PHEX: variants seen among roughly 807,000 people sequenced by gnomAD.
PHEX encodes phosphate-regulating neutral endopeptidase PHEX.
In PHEX, 16 loss-of-function variants were observed where a neutral mutation model predicts 68.0. The observed-to-expected ratio is 0.24, with a 90% confidence interval of 0.16 to 0.36. The LOEUF (loss-of-function observed/expected upper bound fraction) is 0.36, where lower values mean the gene tolerates loss of function less well. Ranked by LOEUF, PHEX falls within the 10% of genes least tolerant of loss-of-function variation. The pLI, the probability that PHEX is intolerant of heterozygous loss-of-function variation, is 1.00. For missense variants in PHEX, 480 were observed against 575.5 expected, an observed-to-expected ratio of 0.83 and a Z score of 1.70; for synonymous variants, 208 against 205.1, an observed-to-expected ratio of 1.01 and a Z score of -0.12.
At chrX:22,114,312 T>A in intron 10 of PHEX, 146 bp from the exon 11 acceptor site, 1 of 546,477 alleles carries the variant, frequency 1.8e-6, no homozygotes, top group Non-Finnish European at 3.1e-6. Flanking sequence ...CTTCAACTAT[T>A]TTACCTTTGC....
At position 22,096,951 on chromosome X, in the gene PHEX, A is replaced by G. The variant is rs1435499810; in HGVS notation, c.850-4A>G. 2.5e-6 allele frequency: 3 copies of G among 1,185,323 alleles called. No individual in the cohort carries two copies. The highest frequency in any genetic ancestry group is 3.4e-6 in the Non-Finnish European group (3 of 871,300). On this transcript the variant is annotated splice_region_variant and splice_polypyrimidine_tract_variant and intron_variant, in intron 7 of 21. Transcript: ENST00000379374. ...AAAAAATAACAAAAATCTCTTTTCA[A>G]CAGATAATGATTCCACATGAAAACC...
At chrX:22,165,587 C>T (rs886872233) in intron 12 of PHEX, among the ~76,000 whole-genome samples, 3 of 111,211 alleles carry the variant, frequency 2.7e-5, no homozygotes, top group African/African-American at 9.8e-5. Flanking sequence ...AGGCAAGGAG[C>T]TCTAGTAGTT....
intron 12 of PHEX, among the ~76,000 whole-genome samples, chrX:22,166,066 G>A (rs914060044): frequency 3.6e-5 from 4 of 111,899 alleles, no homozygotes. Flanking sequence ...ATGTGCCTAA[G>A]TTTGTTTTTC....
chrX:22,239,304 T>C (rs1437882928), intron 20 of PHEX, among the ~76,000 whole-genome samples: 3 of 111,069 alleles, frequency 2.7e-5, no homozygotes, highest in African/African-American at 9.8e-5. Flanking sequence ...GGCTGAAAAC[T>C]CCAAAACCCA....
rs1002315459 is a variant in PHEX, at chrX:22,216,554, T to C, written c.1701-2482T>C. Among the ~76,000 whole-genome samples, 5 of 110,188 alleles carry C rather than the reference T, an allele frequency of 4.5e-5. No homozygotes were observed. The East Asian group carries it at 1.4e-3, about 31-fold the overall frequency. ...TTATTTATGAGACAGAGTTTTGCTC[T>C]TGTTGCCCAGGCTGGAGTGCAAAGG... On this transcript the variant is annotated intron_variant, in intron 16 of 21. Coordinates refer to ENST00000379374, the MANE Select transcript of PHEX (RefSeq NM_000444.6).
At chrX:22,058,278 C>G (rs1216389560) in intron 3 of PHEX, among the ~76,000 whole-genome samples, 1 of 112,034 alleles carries the variant, frequency 8.9e-6, no homozygotes, top group Non-Finnish European at 1.9e-5. Flanking sequence ...TCTGGTGATA[C>G]TGTTGGACAA....
At chrX:22,040,514 AT>A (rs1487948732) in intron 2 of PHEX, among the ~76,000 whole-genome samples, 1 of 111,676 alleles carries the variant, frequency 9.0e-6, no homozygotes, top group Non-Finnish European at 1.9e-5. Flanking sequence ...TATAGAGAAA[AT>A]TAAAAAAAAG....
chrX:22,231,120 T>C (rs1222892694), intron 20 of PHEX, among the ~76,000 whole-genome samples: 1 of 112,811 alleles, frequency 8.9e-6, no homozygotes, highest in Non-Finnish European at 1.9e-5. Context: ...TGAAGCCGAC[T>C]TGATCATGTG....
At position 22,222,569 on chromosome X, in the gene PHEX, C is replaced by T. The variant is rs144338420; in HGVS notation, c.1899+826C>T. Among the ~76,000 whole-genome samples the T allele has an allele frequency of 5.0e-3, 560 of 111,700 alleles. 2 individuals are homozygous for T. Among genetic ancestry groups the T allele is most frequent in the African/African-American group, 0.017 (532 of 30,738 alleles). On this transcript the variant is annotated intron_variant, in intron 18 of 21. Coordinates refer to ENST00000379374, the MANE Select transcript of PHEX (RefSeq NM_000444.6). ...ATAAAGCAAGTGCTCAATAAAAGAT[C>T]GTTAGTTAATATTCCTGATCCTTCG...
chrX:22,245,443 CTG>C, intron 21 of PHEX, 34 bp downstream of exon 21: 9 of 951,298 alleles, frequency 9.5e-6, no homozygotes, highest in Non-Finnish European at 1.4e-5. Context: ...CAGTTTTTAA[CTG>C]TACATCTCCC....
At chrX:22,109,811 G>A (rs760230776) in intron 9 of PHEX, among the ~76,000 whole-genome samples, 1 of 111,731 alleles carries the variant, frequency 9.0e-6, no homozygotes, top group Non-Finnish European at 1.9e-5. Context: ...AAATTTAACA[G>A]ATTTTTAAAG....
intron 12 of PHEX, among the ~76,000 whole-genome samples, chrX:22,134,159 A>G (rs2269463): frequency 0.024 from 2,649 of 112,602 alleles, 63 homozygotes; most frequent in South Asian, 0.079. Flanking sequence ...ACTGCAGACC[A>G]GTGTTCTACC....
chrX:22,227,249 A>G (rs1257105743), intron 19 of PHEX, among the ~76,000 whole-genome samples: 1 of 112,653 alleles, frequency 8.9e-6, no homozygotes, highest in Non-Finnish European at 1.9e-5. Context: ...TGGAAAGAAC[A>G]GCTTTTTTTC....
At chrX:22,160,549 CAA>C (rs35287011) in intron 12 of PHEX, among the ~76,000 whole-genome samples, 122 of 68,711 alleles carry the variant, frequency 1.8e-3, no homozygotes, top group East Asian at 6.5e-3. Context: ...AACTCCGTCT[CAA>C]AAAAAAAAAA....
chrX:22,070,216 T>C (rs1378994035), intron 3 of PHEX, among the ~76,000 whole-genome samples: 6 of 112,177 alleles, frequency 5.3e-5, no homozygotes, highest in Non-Finnish European at 1.1e-4. Flanking sequence ...GTTCATTATG[T>C]AGATGTGGAA....
chrX:22,129,147 C>T (rs866383381), intron 11 of PHEX, among the ~76,000 whole-genome samples: 1 of 111,062 alleles, frequency 9.0e-6, no homozygotes, highest in Middle Eastern at 4.7e-3. Context: ...CTATTGGGTG[C>T]GTATATACAG....
At chrX:22,150,849 G>A (rs1009256131) in intron 12 of PHEX, among the ~76,000 whole-genome samples, 1 of 112,554 alleles carries the variant, frequency 8.9e-6, no homozygotes, top group African/African-American at 3.2e-5. Context: ...TCCCTTGGTT[G>A]TGGCTCATTG....
intron 11 of PHEX, among the ~76,000 whole-genome samples, chrX:22,118,339 CAAAAAAAAAA>C (rs1157170753): frequency 9.5e-5 from 2 of 21,111 alleles, no homozygotes; most frequent in Non-Finnish European, 1.7e-4. Context: ...TAAACAGCAC[CAAAAAAAAAA>C]AAAAAAAAAA....
intron 3 of PHEX, among the ~76,000 whole-genome samples, chrX:22,068,275 G>A (rs888403858): frequency 2.3e-4 from 26 of 111,861 alleles, no homozygotes; most frequent in African/African-American, 8.5e-4. Context: ...CCTACCTCTG[G>A]TTAGGTGCCC....
Sources: gnomAD v4.1 joint callset for allele counts (sites outside exome capture counted in the v4.1 genomes callset) on GRCh38, gnomAD v4.1.1 for gene constraint, MANE v1.5 for transcripts, NCBI Gene and HGNC (gene_info 2026-07-23, HGNC 2026-07-21) for gene names.